The following SLC16A10 variants were observed in gnomAD, a reference collection of about 807,000 sequenced individuals.
SLC16A10 encodes solute carrier family 16 member 10, also known as monocarboxylate transporter 10.
SLC16A10 carries 27 observed loss-of-function variants against 40.0 expected under a neutral mutation model. The ratio of observed to expected loss-of-function variants is 0.67; its 90% CI spans 0.50 to 0.93. The LOEUF (loss-of-function observed/expected upper bound fraction) is 0.93. Ranked by LOEUF, SLC16A10 falls within the 40% of genes least tolerant of loss-of-function variation. The pLI, the probability that SLC16A10 is intolerant of heterozygous loss-of-function variation, is 0.00. For synonymous variants in SLC16A10, 213 were observed against 249.8 expected, an observed-to-expected ratio of 0.85 and a Z score of 1.39; for missense variants, 529 against 658.2, an observed-to-expected ratio of 0.80 and a Z score of 2.15.
intron 3 of SLC16A10, among the ~76,000 whole-genome samples, chr6:111,184,084 A>C (rs1295465789): frequency 6.6e-6 from 1 of 152,170 alleles, no homozygotes; most frequent in South Asian, 2.1e-4. Flanking sequence ...GAAATGCTCT[A>C]TCTCCAATCT....
chr6:111,093,068 A>G (rs542635101), intron 1 of SLC16A10, among the ~76,000 whole-genome samples: 10 of 150,288 alleles, frequency 6.7e-5, no homozygotes, highest in African/African-American at 2.5e-4. Context: ...AAAGAAAAAA[A>G]GAAAAAAGAA....
intron 1 of SLC16A10, among the ~76,000 whole-genome samples, chr6:111,097,291 T>C (rs1401159449): frequency 6.6e-6 from 1 of 152,132 alleles, no homozygotes; most frequent in Non-Finnish European, 1.5e-5. Context: ...TGTCAAGCTT[T>C]ACTTTTATTT....
rs1346346235 is a variant in SLC16A10 at position 111,177,431 on chromosome 6, G to A, written c.708G>A (p.Val236=). The A allele has an allele frequency of 6.2e-7, 1 of 1,614,074 alleles. No individual in the cohort carries two copies. Among genetic ancestry groups the A allele is most frequent in the Non-Finnish European group, 8.5e-7 (1 of 1,180,008 alleles). ...TGGGCCTCTTTTACACATTGAGGGT[G>A]CTCTGCATCTTCATGTTTGTTCTCT... The part of the protein sequence containing the change: ...DSVGLFYTLR[V]LCIFMFVLFL... The change falls in exon 3 of 6, where the codon GTG becomes GTA. Residue 236 remains valine (V), a synonymous_variant. Transcript: ENST00000368851.
rs1339447342 is a variant in SLC16A10 at position 111,226,774 on chromosome 6, C to G, written c.*4539C>G. 6.6e-6 allele frequency: 1 copy of G among 152,202 alleles called. No homozygotes were observed. 9.4% of individuals were successfully genotyped at this position (152,202 alleles called of 1,614,324 possible). ...TGAAAACAAAACGCAATTTGTCATT[C>G]ATAATGGTAATGTGGAATAAGAATA... On this transcript the variant is annotated 3_prime_UTR_variant, in exon 6 of 6. Transcript: ENST00000368851.
intron 1 of SLC16A10, among the ~76,000 whole-genome samples, chr6:111,127,358 G>C (rs933152982): frequency 6.6e-6 from 1 of 152,190 alleles, no homozygotes; most frequent in Non-Finnish European, 1.5e-5. Flanking sequence ...TCACTTCCCA[G>C]GAGGAAACAG....
At chr6:111,209,043 A>G (rs1773298511) in intron 4 of SLC16A10, among the ~76,000 whole-genome samples, 1 of 152,090 alleles carries the variant, frequency 6.6e-6, no homozygotes, top group African/African-American at 2.4e-5. Flanking sequence ...ACCAAAAAAA[A>G]AAAATTGTTT....
chr6:111,120,009 T>G (rs756887022), intron 1 of SLC16A10, among the ~76,000 whole-genome samples: 1 of 152,240 alleles, frequency 6.6e-6, no homozygotes, highest in Non-Finnish European at 1.5e-5. Flanking sequence ...AATGGGGACA[T>G]CCATCTTAGA....
chr6:111,133,701 C>A (rs999308626), intron 1 of SLC16A10, among the ~76,000 whole-genome samples: 1 of 152,156 alleles, frequency 6.6e-6, no homozygotes, highest in Admixed American at 6.5e-5. Flanking sequence ...GTCTACCTCC[C>A]TAACCTGATG....
intron 1 of SLC16A10, among the ~76,000 whole-genome samples, chr6:111,112,207 AT>A (rs1023819874): frequency 4.0e-5 from 6 of 150,108 alleles, no homozygotes; most frequent in Non-Finnish European, 8.9e-5. Flanking sequence ...TTAAAAAAAA[AT>A]TTTTTTTTTC....
chr6:111,100,328 A>G (rs888789749), intron 1 of SLC16A10, among the ~76,000 whole-genome samples: 3 of 152,152 alleles, frequency 2.0e-5, no homozygotes, highest in Admixed American at 2.0e-4. Context: ...ATAAATTGTA[A>G]TACATTTGGT....
chr6:111,206,691 C>A lies in SLC16A10; in HGVS notation c.1042C>A (p.Arg348=), dbSNP rs200813678. The change falls in exon 4 of 6, where the codon CGG becomes AGG. Residue 348 remains arginine, a synonymous_variant. Transcript: ENST00000368851. ...AGGAGTTGGACGACTGCTCTTTGGC[C>A]GGATTGCAGATTATGTGCCTGGTGT... is the stretch of plus-strand genomic sequence containing the variant. ...TSGVGRLLFG[R]IADYVPGVKK... is the part of the protein sequence containing the mutation. 1.1e-5 allele frequency: 17 copies of A among 1,614,160 alleles called. No homozygotes were observed. Among genetic ancestry groups the A allele is most frequent in the Non-Finnish European group, 1.4e-5 (17 of 1,180,032 alleles).
rs193196181 is a variant in SLC16A10, at chr6:111,215,591, C to T, written c.1087-3223C>T. 4.9e-3 allele frequency among the ~76,000 whole-genome samples: 742 copies of T among 152,236 alleles called. 7 individuals carry two copies. The highest frequency in any genetic ancestry group is 0.016 in the African/African-American group (681 of 41,522). ...CCATTGAATCTGGCCCCGTACCATCCTAAAGTTTTATTCTAGATTCTCTGG... is the reference window on the plus strand; with the variant it reads ...CCATTGAATCTGGCCCCGTACCATCTTAAAGTTTTATTCTAGATTCTCTGG... On this transcript the variant is annotated intron_variant, in intron 4 of 5. Coordinates refer to ENST00000368851, the MANE Select transcript of SLC16A10 (RefSeq NM_018593.5).
chr6:111,205,354 C>G (rs924223612), intron 3 of SLC16A10, among the ~76,000 whole-genome samples: 2 of 152,098 alleles, frequency 1.3e-5, no homozygotes, highest in African/African-American at 4.8e-5. Flanking sequence ...AGAACTCAGA[C>G]CAATGTGTGG....
chr6:111,161,575 G>T (rs1361923018), intron 1 of SLC16A10, among the ~76,000 whole-genome samples: 1 of 152,072 alleles, frequency 6.6e-6, no homozygotes, highest in Non-Finnish European at 1.5e-5. Flanking sequence ...ATGGCAGTCA[G>T]ATCTCCCTCA....
chr6:111,188,461 A>G (rs1772937233), intron 3 of SLC16A10, among the ~76,000 whole-genome samples: 1 of 152,142 alleles, frequency 6.6e-6, no homozygotes, highest in South Asian at 2.1e-4. Flanking sequence ...ATTCAAAAAT[A>G]GGGTTATAAC....
intron 1 of SLC16A10, among the ~76,000 whole-genome samples, chr6:111,100,360 AT>A (rs926390020): frequency 8.5e-5 from 13 of 152,168 alleles, no homozygotes; most frequent in Admixed American, 7.9e-4. Flanking sequence ...TGAATTTGTA[AT>A]TATTTGGGGA....
At chr6:111,114,357 T>C (rs1771446548) in intron 1 of SLC16A10, among the ~76,000 whole-genome samples, 1 of 152,220 alleles carries the variant, frequency 6.6e-6, no homozygotes, top group African/African-American at 2.4e-5. Flanking sequence ...TAAAAAGTCA[T>C]GTAAAGCAAT....
chr6:111,117,267 G>A (rs1771503353), intron 1 of SLC16A10, among the ~76,000 whole-genome samples: 1 of 150,800 alleles, frequency 6.6e-6, no homozygotes, highest in Admixed American at 6.6e-5. Flanking sequence ...CAGGAGAATG[G>A]CGTGAACCCG....
chr6:111,121,674 G>A (rs1304077672), intron 1 of SLC16A10, among the ~76,000 whole-genome samples: 1 of 152,176 alleles, frequency 6.6e-6, no homozygotes, highest in East Asian at 1.9e-4. Flanking sequence ...GAAAGCTACA[G>A]ACTAACCTCC....
Sources: gnomAD v4.1 joint callset for allele counts (sites outside exome capture counted in the v4.1 genomes callset) on GRCh38, gnomAD v4.1.1 for gene constraint, MANE v1.5 for transcripts, NCBI Gene and HGNC (gene_info 2026-07-23, HGNC 2026-07-21) for gene names.